COL4A4: variants seen among roughly 807,000 people sequenced by gnomAD.
The protein encoded by COL4A4 is collagen type IV alpha 4 chain.
COL4A4 carries 105 observed loss-of-function variants against 192.9 expected under a neutral mutation model. The ratio of observed to expected loss-of-function variants is 0.54; its 90% confidence interval spans 0.46 to 0.64. The LOEUF (loss-of-function observed/expected upper bound fraction) is 0.64. Among genes scored for constraint, COL4A4 ranks in the 30% least tolerant of loss-of-function variants. The pLI, the probability that COL4A4 is intolerant of heterozygous loss-of-function variation, is 0.00. For missense variants in COL4A4, 1,967 were observed against 2,169.3 expected (o/e 0.91, Z 1.85); for synonymous variants, 762 against 769.9 (o/e 0.99, Z 0.17).
intron 28 of COL4A4, among the ~76,000 whole-genome samples, chr2:227,059,073 C>G (rs565033289): frequency 6.6e-6 from 1 of 152,322 alleles, no homozygotes; most frequent in East Asian, 1.9e-4. Context: ...CACAATCAGG[C>G]CTGCCTACCT....
rs2061751299 is a variant in COL4A4 at position 227,121,002 on chromosome 2, G to C, written c.327+12C>G. On this transcript the variant is annotated intron_variant, in intron 5 of 47. Coordinates refer to ENST00000396625, the MANE Select transcript of COL4A4 (RefSeq NM_000092.5). Reference sequence around the variant, plus strand: ...GTCTTTCATGTGAATCTCCACATAAGATGTGGCTTACCTTATCTCCTTTGT... The same window carrying C: ...GTCTTTCATGTGAATCTCCACATAACATGTGGCTTACCTTATCTCCTTTGT... 1.1e-5 allele frequency: 17 copies of C among 1,613,974 alleles called. No homozygotes were observed. The highest frequency in any genetic ancestry group is 1.4e-5 in the Non-Finnish European group (17 of 1,179,936).
In COL4A4 at chr2:227,134,070, A is replaced by G. The variant is rs1341358203; in HGVS notation, c.192+6091T>C. On this transcript the variant is annotated intron_variant, in intron 4 of 47. Transcript: ENST00000396625. ...TTAACAAGCTAAGCCCACATTATAA[A>G]CTGGAAGCTGGTGGGCTGAATTTTA... Among the ~76,000 whole-genome samples, 5 of 152,126 alleles carry G rather than the reference A, an allele frequency of 3.3e-5. No homozygotes were observed. The East Asian group carries it at 7.7e-4, about 23-fold the overall frequency.
intron 25 of COL4A4, among the ~76,000 whole-genome samples, chr2:227,074,569 A>C (rs2058914318): frequency 6.6e-6 from 1 of 152,204 alleles, no homozygotes; most frequent in Non-Finnish European, 1.5e-5. Flanking sequence ...CCAAAGGAAG[A>C]GAAGTCATTA....
downstream of COL4A4, among the ~76,000 whole-genome samples, chr2:227,000,816 G>A (rs550473235): frequency 3.9e-5 from 6 of 152,088 alleles, no homozygotes; most frequent in East Asian, 3.9e-4. Context: ...ATGGGGGAAC[G>A]TCTTTCCCAT....
the COL4A4 span, among the ~76,000 whole-genome samples, chr2:226,976,395 A>C: frequency 6.6e-6 from 1 of 151,646 alleles, no homozygotes; most frequent in African/African-American, 2.4e-5. Context: ...ACATGCAGCA[A>C]CATCAAAGGA....
At chr2:227,085,826 A>G (rs1177761922) in intron 22 of COL4A4, among the ~76,000 whole-genome samples, 1 of 152,142 alleles carries the variant, frequency 6.6e-6, no homozygotes, top group Non-Finnish European at 1.5e-5. Flanking sequence ...ACATTTCAAC[A>G]TGAGATTTGG....
chr2:227,145,806 C>T (rs762646066), intron 2 of COL4A4, among the ~76,000 whole-genome samples: 1 of 152,186 alleles, frequency 6.6e-6, no homozygotes, highest in Non-Finnish European at 1.5e-5. Context: ...CCAGCCCATA[C>T]TTAATGGCTC....
intron 4 of COL4A4, among the ~76,000 whole-genome samples, chr2:227,137,157 G>A (rs2062869254): frequency 2.0e-5 from 3 of 152,140 alleles, no homozygotes; most frequent in African/African-American, 7.2e-5. Flanking sequence ...TCAGGACTGG[G>A]AGCCTTCCCT....
chr2:227,002,323 G>A (rs73994327), downstream of COL4A4, among the ~76,000 whole-genome samples: 5,286 of 149,924 alleles, frequency 0.035, 294 homozygotes, highest in African/African-American at 0.12. Flanking sequence ...AATATCTTTG[G>A]TTTCATAAAT....
Position 227,022,266 on chromosome 2 carries a change from A to C in COL4A4, c.4091-93T>G. Reference sequence around the variant, plus strand: ...TGGTTAAAGTTGGACTTCTGACACTATACTGAAATTTAGTACAAATTCAGT... The same window carrying C: ...TGGTTAAAGTTGGACTTCTGACACTCTACTGAAATTTAGTACAAATTCAGT... On this transcript the variant is annotated intron_variant, in intron 43 of 47. Coordinates refer to ENST00000396625, the MANE Select transcript of COL4A4 (RefSeq NM_000092.5). 1.4e-6 allele frequency: 2 copies of C among 1,405,064 alleles called. 1 individual carries two copies. The highest frequency in any genetic ancestry group is 2.3e-5 in the South Asian group (2 of 86,378). The allele number at this position is 1,405,064 out of a possible 1,614,324, so 87.0% of individuals were successfully genotyped here. A position where few individuals can be genotyped will look rare whatever the true frequency, so the allele number is the denominator to read the frequency against.
chr2:227,132,695 G>A (rs1204482121), intron 4 of COL4A4, among the ~76,000 whole-genome samples: 1 of 152,146 alleles, frequency 6.6e-6, no homozygotes, highest in Non-Finnish European at 1.5e-5. Flanking sequence ...AGAATCGCTT[G>A]AACACAGGAG....
At position 227,061,151 on chromosome 2, in the gene COL4A4, C is replaced by T. The variant is rs144421668; in HGVS notation, c.2057-908G>A. 5.9e-5 allele frequency among the ~76,000 whole-genome samples: 9 copies of T among 152,314 alleles called. No homozygotes were observed. The South Asian group carries it at 6.2e-4, about 11-fold the overall frequency. On this transcript the variant is annotated intron_variant, in intron 26 of 47. Coordinates refer to ENST00000396625, the MANE Select transcript of COL4A4 (RefSeq NM_000092.5). ...TTAAAATGTGAGTATTCACTTCTCT[C>T]GAAGTTACAGCTGCTGAAAGAAATC...
chr2:226,977,926 G>A, the COL4A4 span, among the ~76,000 whole-genome samples: 2 of 152,180 alleles, frequency 1.3e-5, no homozygotes, highest in Non-Finnish European at 2.9e-5. Flanking sequence ...TTTTAAAAGA[G>A]TTCACCACAT....
chr2:227,148,828 C>T (rs1018065442), intron 1 of COL4A4, among the ~76,000 whole-genome samples: 5 of 149,602 alleles, frequency 3.3e-5, no homozygotes, highest in Admixed American at 2.0e-4. Flanking sequence ...CGGGAATGTT[C>T]AATGTTACCA....
rs890376068 is a variant in COL4A4 at position 227,012,124 on chromosome 2, T to G, written c.4333+57A>C. On this transcript the variant is annotated intron_variant, in intron 45 of 47. Coordinates refer to ENST00000396625, the MANE Select transcript of COL4A4 (RefSeq NM_000092.5). Reference sequence around the variant, plus strand: ...AAGCCACTTGAGAGATCAGAGATTTTGTATACAACTCTAAGGTTTACAGTG... The same window carrying G: ...AAGCCACTTGAGAGATCAGAGATTTGGTATACAACTCTAAGGTTTACAGTG... 7 of 1,382,604 alleles carry G rather than the reference T, an allele frequency of 5.1e-6. No individual in the cohort carries two copies. In the African/African-American group the frequency reaches 9.9e-5, roughly 20 times the overall value. 85.6% of individuals were successfully genotyped at this position (1,382,604 alleles called of 1,614,324 possible).
intron 34 of COL4A4, among the ~76,000 whole-genome samples, chr2:227,048,193 G>A (rs1441592166): frequency 6.6e-6 from 1 of 152,188 alleles, no homozygotes; most frequent in Admixed American, 6.5e-5. Flanking sequence ...AATAGATGGG[G>A]TTTCAAGAGA....
chr2:226,978,895 A>C, the COL4A4 span, among the ~76,000 whole-genome samples: 3 of 152,116 alleles, frequency 2.0e-5, no homozygotes, highest in Non-Finnish European at 4.4e-5. Context: ...CTGTGTGGAG[A>C]ATGGCTGGTA....
intron 20 of COL4A4, 62 bp downstream of exon 20, chr2:227,094,063 G>A: frequency 6.3e-6 from 9 of 1,419,634 alleles, no homozygotes; most frequent in Non-Finnish European, 7.9e-6. Flanking sequence ...TGCTTTCTTA[G>A]TGGCACTGCA....
At chr2:227,011,046 C>T (rs58679384) in intron 45 of COL4A4, among the ~76,000 whole-genome samples, 10,736 of 152,068 alleles carry the variant, frequency 0.071, 1,235 homozygotes, top group African/African-American at 0.25. Flanking sequence ...CTCTCCTCTT[C>T]GAGAAGAGAG....
Sources: gnomAD v4.1 joint callset for allele counts (sites outside exome capture counted in the v4.1 genomes callset) on GRCh38, gnomAD v4.1.1 for gene constraint, MANE v1.5 for transcripts, NCBI Gene and HGNC (gene_info 2026-07-23, HGNC 2026-07-21) for gene names.